The following COLQ variants were observed in gnomAD, a reference collection of about 807,000 sequenced individuals.
COLQ encodes the protein acetylcholinesterase collagenic tail peptide.
A neutral mutation model predicts 69.0 loss-of-function variants in COLQ; 48 were observed. That is an observed-to-expected ratio of 0.70 (90% confidence interval 0.55 to 0.88). COLQ has a LOEUF of 0.88. Ranked by LOEUF, COLQ falls within the 40% of genes least tolerant of loss-of-function variation. The pLI, the probability that COLQ is intolerant of heterozygous loss-of-function variation, is 0.00. For missense variants in COLQ, 618 were observed against 594.6 expected, an observed-to-expected ratio of 1.04 and a Z score of -0.41; for synonymous variants, 217 against 211.2, an observed-to-expected ratio of 1.03 and a Z score of -0.24.
intron 3 of COLQ, among the ~76,000 whole-genome samples, chr3:15,485,942 G>A (rs1186136510): frequency 6.6e-6 from 1 of 152,080 alleles, no homozygotes; most frequent in Non-Finnish European, 1.5e-5. Context: ...AACCTAGGTG[G>A]CACAGTGAGA....
At chr3:15,482,831 G>A (rs533457817) in intron 3 of COLQ, among the ~76,000 whole-genome samples, 13 of 152,200 alleles carry the variant, frequency 8.5e-5, no homozygotes, top group Admixed American at 3.3e-4. Context: ...CTATGAATCC[G>A]TCTGGTCCTG....
At chr3:15,518,165 C>T (rs2063087579) in intron 1 of COLQ, among the ~76,000 whole-genome samples, 1 of 152,184 alleles carries the variant, frequency 6.6e-6, no homozygotes, top group Non-Finnish European at 1.5e-5. Context: ...AGGCTGGTCT[C>T]GAACTCCTGA....
chr3:15,504,840 A>G (rs1423492911), intron 1 of COLQ, among the ~76,000 whole-genome samples: 1 of 152,220 alleles, frequency 6.6e-6, no homozygotes, highest in African/African-American at 2.4e-5. Context: ...AGCCTGGGCA[A>G]TAGAGCGAGA....
chr3:15,490,726 T>C (rs1007443608), intron 1 of COLQ, among the ~76,000 whole-genome samples: 1 of 152,178 alleles, frequency 6.6e-6, no homozygotes, highest in African/African-American at 2.4e-5. Context: ...GGACAGAATA[T>C]AAGAAATGTG....
In COLQ at chr3:15,455,964, TCC is replaced by T; in HGVS notation, c.1128_1129del (p.Asp377TrpfsTer10). 1 of 1,613,548 alleles carries T rather than the reference TCC, an allele frequency of 6.2e-7. No homozygotes were observed. The highest frequency in any genetic ancestry group is 1.1e-5 in the South Asian group (1 of 91,040). On this transcript the variant is annotated frameshift_variant, in exon 15 of 17. Coordinates refer to ENST00000383788, the MANE Select transcript of COLQ (RefSeq NM_005677.4). LOFTEE classifies it high-confidence loss of function. ...CTCCTCCCCAGGCTGCAGGAGCCCATCCCCACAGGTGCCGTGCTGGTCTGCAG... is the reference window on the plus strand; with the variant it reads ...CTCCTCCCCAGGCTGCAGGAGCCCATCCACAGGTGCCGTGCTGGTCTGCAG...
intron 2 of COLQ, 53 bp from the exon 3 acceptor site, chr3:15,488,360 G>A (rs1465924293): frequency 2.0e-6 from 3 of 1,488,570 alleles, no homozygotes; most frequent in Non-Finnish European, 9.3e-7. Context: ...GACAGAGGAA[G>A]GGTCACCATC....
Position 15,451,613 on chromosome 3 carries a change from T to C in COLQ, c.*31A>G, listed in dbSNP as rs900768757. ...AGTGGAGAAGCTGCTGCCAGTTCTG[T>C]GGGGCGCAGCCCACCTTCTCCTCAC... On this transcript the variant is annotated 3_prime_UTR_variant, in exon 17 of 17. Transcript: ENST00000383788. The C allele has an allele frequency of 1.2e-6, 2 of 1,606,654 alleles. No homozygotes were observed. Among genetic ancestry groups the C allele is most frequent in the Non-Finnish European group, 1.7e-6 (2 of 1,173,260 alleles).
chr3:15,520,195 T>G (rs1300221427), intron 1 of COLQ, among the ~76,000 whole-genome samples: 1 of 152,226 alleles, frequency 6.6e-6, no homozygotes, highest in African/African-American at 2.4e-5. Flanking sequence ...GACTACTCAC[T>G]CCTAGAAGAA....
intron 5 of COLQ, 34 bp downstream of exon 5, chr3:15,478,943 T>C: frequency 1.2e-6 from 2 of 1,613,942 alleles, no homozygotes; most frequent in Non-Finnish European, 1.7e-6. Flanking sequence ...GCACAGACGC[T>C]CATGTGACAC....
chr3:15,497,285 C>A (rs2125155131), intron 1 of COLQ, among the ~76,000 whole-genome samples: 1 of 152,138 alleles, frequency 6.6e-6, no homozygotes, highest in South Asian at 2.1e-4. Flanking sequence ...CTCAGGTGAT[C>A]CGCCCACCTC....
At chr3:15,470,390 G>T in intron 11 of COLQ, 146 bp downstream of exon 11, 1 of 760,356 alleles carries the variant, frequency 1.3e-6, no homozygotes. Context: ...TTCTGGAAGT[G>T]GTGCTGCTCC....
chr3:15,493,117 A>C (rs1231725578), intron 1 of COLQ, among the ~76,000 whole-genome samples: 1 of 152,192 alleles, frequency 6.6e-6, no homozygotes, highest in African/African-American at 2.4e-5. Flanking sequence ...CTGGAAAAGC[A>C]AGGAGAATTT....
intron 3 of COLQ, 53 bp from the exon 4 acceptor site, chr3:15,479,435 TG>T: frequency 6.4e-7 from 1 of 1,565,862 alleles, no homozygotes; most frequent in Non-Finnish European, 8.8e-7. Context: ...TGAAGCTGGA[TG>T]GGTGTGAGGC....
intron 1 of COLQ, among the ~76,000 whole-genome samples, chr3:15,504,494 G>A (rs963825180): frequency 5.3e-5 from 8 of 152,182 alleles, no homozygotes; most frequent in Non-Finnish European, 4.4e-5. Context: ...CACCAGTCAA[G>A]TTGGATTAAT....
intron 1 of COLQ, among the ~76,000 whole-genome samples, chr3:15,492,377 C>T (rs1466086929): frequency 6.6e-6 from 1 of 152,064 alleles, no homozygotes; most frequent in African/African-American, 2.4e-5. Flanking sequence ...TTTAAAAATG[C>T]TGCATAAGGC....
intron 12 of COLQ, among the ~76,000 whole-genome samples, chr3:15,460,080 A>G (rs1317546245): frequency 6.6e-6 from 1 of 152,184 alleles, no homozygotes; most frequent in Non-Finnish European, 1.5e-5. Flanking sequence ...TACCTGGGAT[A>G]CAATTTCATG....
At chr3:15,492,795 C>T (rs1320368084) in intron 1 of COLQ, among the ~76,000 whole-genome samples, 1 of 152,198 alleles carries the variant, frequency 6.6e-6, no homozygotes, top group Non-Finnish European at 1.5e-5. Flanking sequence ...CCACCCTTTG[C>T]AAGACAGCTC....
intron 5 of COLQ, among the ~76,000 whole-genome samples, chr3:15,478,427 C>T (rs9846179): frequency 0.028 from 4,212 of 152,278 alleles, 179 homozygotes; most frequent in African/African-American, 0.094. Context: ...GTGCCAGTAT[C>T]CACTGACCTC....
Position 15,453,862 on chromosome 3 carries a change from A to C in COLQ, c.1265T>G (p.Phe422Cys). 6.2e-7 allele frequency: 1 copy of C among 1,612,304 alleles called. No homozygotes were observed. Among genetic ancestry groups the C allele is most frequent in the Non-Finnish European group, 8.5e-7 (1 of 1,179,152 alleles). ...ATAGGTCTCGCATGTCAGGTAGCCA[A>C]AGTCAGAGCCGTCACAGTCCTCCAC... is the stretch of plus-strand genomic sequence containing the variant. ...EGVEDCDGSD[F>C]GYLTCETYLP... Residue 422 changes from phenylalanine to cysteine, a missense_variant, in exon 16 of 17, where the codon TTT becomes TGT. Coordinates refer to ENST00000383788, the MANE Select transcript of COLQ (RefSeq NM_005677.4).
Sources: allele counts gnomAD v4.1 joint callset (sites outside exome capture counted in the v4.1 genomes callset), GRCh38; gene constraint gnomAD v4.1.1; transcripts MANE v1.5; gene names NCBI Gene and HGNC (gene_info 2026-07-23, HGNC 2026-07-21).